Variants in BNC2 observed in about 807,000 individuals in gnomAD.
BNC2 encodes basonuclin zinc finger protein 2, also known as zinc finger protein basonuclin-2.
BNC2 carries 20 observed loss-of-function variants against 76.3 expected under a neutral mutation model. The ratio of observed to expected loss-of-function variants is 0.26; its 90% CI spans 0.18 to 0.38. The LOEUF is 0.38. Among genes scored for constraint, BNC2 ranks in the 10% least tolerant of loss-of-function variants. The pLI, the probability that BNC2 is intolerant of heterozygous loss-of-function variation, is 1.00. For synonymous variants in BNC2, 582 were observed against 514.8 expected (o/e 1.13, Z -1.77); for missense variants, 1,382 against 1,399.8 (o/e 0.99, Z 0.20).
chr9:16,545,857 G>T (rs1198052430), intron 5 of BNC2, among the ~76,000 whole-genome samples: 1 of 152,120 alleles, frequency 6.6e-6, no homozygotes, highest in African/African-American at 2.4e-5. Flanking sequence ...CCGAGAAAAT[G>T]GCAGAGCCAT....
chr9:16,762,131 T>C (rs575453228), intron 1 of BNC2, among the ~76,000 whole-genome samples: 1 of 152,282 alleles, frequency 6.6e-6, no homozygotes, highest in African/African-American at 2.4e-5. Context: ...GGAAGCAAAC[T>C]CTTCACTCTG....
chr9:16,792,254 T>C (rs957932071), intron 1 of BNC2, among the ~76,000 whole-genome samples: 14 of 148,348 alleles, frequency 9.4e-5, no homozygotes, highest in Admixed American at 6.1e-4. Flanking sequence ...CCATTCAGAA[T>C]ACCAAAGCAT....
chr9:16,549,266 T>C (rs1413916062), intron 5 of BNC2, among the ~76,000 whole-genome samples: 1 of 152,218 alleles, frequency 6.6e-6, no homozygotes, highest in African/African-American at 2.4e-5. Context: ...GCTTGACTAG[T>C]TCAACTTACC....
chr9:16,564,757 G>C (rs568255845), intron 4 of BNC2, among the ~76,000 whole-genome samples: 1 of 152,162 alleles, frequency 6.6e-6, no homozygotes, highest in African/African-American at 2.4e-5. Context: ...AAAACAAAAA[G>C]ACAATTACCC....
At chr9:16,706,617 C>G (rs997727133) in intron 3 of BNC2, among the ~76,000 whole-genome samples, 2 of 152,268 alleles carry the variant, frequency 1.3e-5, no homozygotes, top group Admixed American at 1.3e-4. Flanking sequence ...ATTTTTGTCT[C>G]CTTAGTAGCT....
chr9:16,695,931 G>A (rs191469707), intron 3 of BNC2, among the ~76,000 whole-genome samples: 1 of 152,106 alleles, frequency 6.6e-6, no homozygotes, highest in East Asian at 1.9e-4. Flanking sequence ...ATTTTTCAAT[G>A]TTATTACCAT....
rs531965876 is a variant in BNC2 at position 16,413,238 on chromosome 9, T to C, written c.*5751A>G. On this transcript the variant is annotated 3_prime_UTR_variant, in exon 7 of 7. Transcript: ENST00000380672. ...GTCAAATGAATTTACAACAGCACTTTAGAGGAGAAGAATAAAGATAGTTTT... is the reference window on the plus strand; with the variant it reads ...GTCAAATGAATTTACAACAGCACTTCAGAGGAGAAGAATAAAGATAGTTTT... The C allele has an allele frequency of 3.9e-5, 6 of 152,284 alleles. No homozygotes were observed. The highest frequency in any genetic ancestry group is 3.9e-4 in the East Asian group (2 of 5,188). 9.4% of individuals were successfully genotyped at this position (152,284 alleles called of 1,614,324 possible). A position where few individuals can be genotyped will look rare whatever the true frequency, so the allele number is the denominator to read the frequency against.
intron 3 of BNC2, among the ~76,000 whole-genome samples, chr9:16,632,562 T>A (rs935883262): frequency 7.2e-5 from 11 of 152,218 alleles, no homozygotes; most frequent in Non-Finnish European, 1.6e-4. Flanking sequence ...GATATTAGCA[T>A]ATCAGACCAA....
At chr9:16,526,161 A>G (rs1308384330) in intron 5 of BNC2, among the ~76,000 whole-genome samples, 1 of 152,072 alleles carries the variant, frequency 6.6e-6, no homozygotes, top group Non-Finnish European at 1.5e-5. Flanking sequence ...TTTTCAGATC[A>G]CTGTTGTATT....
At chr9:16,667,497 G>C (rs908649460) in intron 3 of BNC2, among the ~76,000 whole-genome samples, 1 of 152,148 alleles carries the variant, frequency 6.6e-6, no homozygotes, top group Non-Finnish European at 1.5e-5. Flanking sequence ...ATTTGAGGTG[G>C]TCATCCTTAA....
intron 3 of BNC2, among the ~76,000 whole-genome samples, chr9:16,720,225 G>C (rs535560346): frequency 2.6e-5 from 4 of 152,224 alleles, no homozygotes; most frequent in African/African-American, 9.6e-5. Flanking sequence ...ATGATGTATT[G>C]GCAAAAGGGT....
chr9:16,468,797 A>G (rs991058719), intron 5 of BNC2, among the ~76,000 whole-genome samples: 1 of 152,220 alleles, frequency 6.6e-6, no homozygotes, highest in Non-Finnish European at 1.5e-5. Flanking sequence ...TCAAGGTGAC[A>G]CAGCTAACAG....
chr9:16,696,229 T>C (rs959915820), intron 3 of BNC2, among the ~76,000 whole-genome samples: 3 of 152,220 alleles, frequency 2.0e-5, no homozygotes, highest in Non-Finnish European at 2.9e-5. Context: ...TCCCCACCAA[T>C]TACCAATTAC....
chr9:16,758,620 C>T (rs185943997), intron 1 of BNC2, among the ~76,000 whole-genome samples: 6 of 152,276 alleles, frequency 3.9e-5, no homozygotes, highest in East Asian at 3.9e-4. Flanking sequence ...TGAGCCACAG[C>T]GCCCAGCCCA....
chr9:16,751,662 G>GTTTGTATATA (rs1563926963), intron 1 of BNC2, among the ~76,000 whole-genome samples: 1 of 83,180 alleles, frequency 1.2e-5, no homozygotes, highest in African/African-American at 2.9e-5. Context: ...ATATATATAT[G>GTTTGTATATA]TATGTATGTG....
intron 1 of BNC2, among the ~76,000 whole-genome samples, chr9:16,788,078 AG>A (rs1826346389): frequency 6.6e-6 from 1 of 152,174 alleles, no homozygotes; most frequent in South Asian, 2.1e-4. Flanking sequence ...TCTGGTGGAA[AG>A]GATGTCCAGG....
chr9:16,838,461 T>C (rs1344233145), intron 1 of BNC2, among the ~76,000 whole-genome samples: 1 of 152,034 alleles, frequency 6.6e-6, no homozygotes. Context: ...CTCGGGAGGC[T>C]GAGGCAGGAG....
At chr9:16,613,353 C>T (rs1282497574) in intron 3 of BNC2, among the ~76,000 whole-genome samples, 2 of 152,090 alleles carry the variant, frequency 1.3e-5, no homozygotes, top group East Asian at 3.9e-4. Context: ...GAAAAAAATC[C>T]ATTTTGTGCT....
At chr9:16,586,151 A>G (rs566687481) in intron 3 of BNC2, among the ~76,000 whole-genome samples, 166 of 151,962 alleles carry the variant, frequency 1.1e-3, no homozygotes, top group Middle Eastern at 6.8e-3. Flanking sequence ...TACCACATAC[A>G]GCTTGGTCTT....
Sources: gnomAD v4.1 joint callset for allele counts (sites outside exome capture counted in the v4.1 genomes callset) on GRCh38, gnomAD v4.1.1 for gene constraint, MANE v1.5 for transcripts, NCBI Gene and HGNC (gene_info 2026-07-23, HGNC 2026-07-21) for gene names.